Variants in OR2M3 observed in about 807,000 individuals in gnomAD.
OR2M3 encodes the protein olfactory receptor family 2 subfamily M member 3.
A neutral mutation model predicts 4.3 loss-of-function variants in OR2M3; 1 was observed. That is an observed-to-expected ratio of 0.23 (90% CI 0.08 to 1.11). The LOEUF (loss-of-function observed/expected upper bound fraction) is 1.11. Among genes scored for constraint, OR2M3 ranks in the 50% most tolerant of loss-of-function variants. The probability of loss-of-function intolerance (pLI) is 0.54; values close to 1 mark genes in which losing one functional copy is unlikely to be tolerated. For synonymous variants in OR2M3, 151 were observed against 139.4 expected (o/e 1.08, Z -0.59); for missense variants, 410 against 390.4 (o/e 1.05, Z -0.42).
rs1666231292 is a variant in OR2M3 at position 248,207,086 on chromosome 1, T to C, written c.*3080T>C. The C allele has an allele frequency of 6.6e-6, 1 of 152,052 alleles. No individual in the cohort carries two copies. The highest frequency in any genetic ancestry group is 1.5e-5 in the Non-Finnish European group (1 of 67,982). The allele number at this position is 152,052 out of a possible 1,614,324, so 9.4% of individuals were successfully genotyped here. Reference sequence around the variant, plus strand: ...GGTTATCTCTTCCAGGTTTTTTAGTTTATCTGCACAAAGGTGTTCATAGTA... The same window carrying C: ...GGTTATCTCTTCCAGGTTTTTTAGTCTATCTGCACAAAGGTGTTCATAGTA... On this transcript the variant is annotated 3_prime_UTR_variant, in exon 2 of 2. Transcript: ENST00000641626.
intron 1 of OR2M3, among the ~76,000 whole-genome samples, chr1:248,201,365 T>A (rs1243583843): frequency 6.6e-6 from 1 of 152,100 alleles, no homozygotes; most frequent in African/African-American, 2.4e-5. Flanking sequence ...ACTACTCTAT[T>A]CAAAGTTGAA....
rs1206812733 is a variant in OR2M3, at chr1:248,206,553, A to G, written c.*2547A>G. 2 of 152,014 alleles carry G rather than the reference A, an allele frequency of 1.3e-5. No individual in the cohort carries two copies. The highest frequency in any genetic ancestry group is 4.8e-5 in the African/African-American group (2 of 41,386). 9.4% of individuals were successfully genotyped at this position (152,014 alleles called of 1,614,324 possible). The stretch of plus-strand genomic sequence containing the variant: ...TTCATCAAATGCTTTTTCTCTGTCT[A>G]TTGAGATGATCATGTGATTTTTGTT... On this transcript the variant is annotated 3_prime_UTR_variant, in exon 2 of 2. Coordinates refer to ENST00000641626, the MANE Select transcript of OR2M3 (RefSeq NM_001004689.2).
chr1:248,199,757 T>G (rs889814291), intron 1 of OR2M3, among the ~76,000 whole-genome samples: 4 of 152,134 alleles, frequency 2.6e-5, no homozygotes, highest in African/African-American at 7.2e-5. Flanking sequence ...TAAATTTTTA[T>G]AAATTTATGA....
In OR2M3 at chr1:248,204,116, T is replaced by A; in HGVS notation, c.*110T>A. On this transcript the variant is annotated 3_prime_UTR_variant, in exon 2 of 2. Coordinates refer to ENST00000641626, the MANE Select transcript of OR2M3 (RefSeq NM_001004689.2). ...ATTCATTGTGTACATAAATCTGCAA[T>A]GACATATTTATGTGCACCTATATAA... is the stretch of plus-strand genomic sequence containing the variant. 1 of 940,846 alleles carries A rather than the reference T, an allele frequency of 1.1e-6. No individual in the cohort carries two copies. Among genetic ancestry groups the A allele is most frequent in the Non-Finnish European group, 1.6e-6 (1 of 611,268 alleles). 58.3% of individuals were successfully genotyped at this position (940,846 alleles called of 1,614,324 possible).
intron 1 of OR2M3, among the ~76,000 whole-genome samples, chr1:248,202,170 T>C (rs945397899): frequency 3.9e-5 from 6 of 152,158 alleles, no homozygotes; most frequent in Non-Finnish European, 8.8e-5. Flanking sequence ...TCTAAGCAGA[T>C]GAATCTGTCC....
At position 248,205,309 on chromosome 1, in the gene OR2M3, ATTTATC is replaced by A; in HGVS notation, c.*1307_*1312del. 2 of 151,912 alleles carry A rather than the reference ATTTATC, an allele frequency of 1.3e-5. No homozygotes were observed. The highest frequency in any genetic ancestry group is 6.8e-3 in the Middle Eastern group (2 of 294). 9.4% of individuals were successfully genotyped at this position (151,912 alleles called of 1,614,324 possible). A position where few individuals can be genotyped will look rare whatever the true frequency, so the allele number is the denominator to read the frequency against. On this transcript the variant is annotated 3_prime_UTR_variant, in exon 2 of 2. Coordinates refer to ENST00000641626, the MANE Select transcript of OR2M3 (RefSeq NM_001004689.2). ...TCTTTAGTTTAATTAGTTCCCAGCTATTTATCTTTGTTTTTATTGCATTAGTTTTTG... is the reference window on the plus strand; with the variant it reads ...TCTTTAGTTTAATTAGTTCCCAGCTATTTGTTTTTATTGCATTAGTTTTTG...
chr1:248,197,434 TTATTC>T (rs1174232685), intron 1 of OR2M3, 133 bp downstream of exon 1: 1 of 152,162 alleles, frequency 6.6e-6, no homozygotes, highest in Non-Finnish European at 1.5e-5. Context: ...TTTATAAACA[TTATTC>T]TATTTTATCT....
intron 1 of OR2M3, 105 bp downstream of exon 1, chr1:248,197,406 A>AT (rs1360480994): frequency 2.0e-5 from 3 of 152,118 alleles, no homozygotes; most frequent in Non-Finnish European, 4.4e-5. Context: ...TTCTTAAGTC[A>AT]TTTTTTGTGC....
intron 1 of OR2M3, among the ~76,000 whole-genome samples, chr1:248,199,778 C>T (rs1482853696): frequency 2.6e-5 from 4 of 151,916 alleles, no homozygotes; most frequent in Non-Finnish European, 4.4e-5. Flanking sequence ...TATACCTTGC[C>T]ATATTCTCCG....
chr1:248,205,560 C>G lies in OR2M3; in HGVS notation c.*1554C>G, dbSNP rs992302948. ...TTGTTGAATATGGTGTTCTTTCCCC[C>G]ACTTCATGTTTTTGTTTGTGTTGTT... On this transcript the variant is annotated 3_prime_UTR_variant, in exon 2 of 2. Transcript: ENST00000641626. The G allele has an allele frequency of 6.6e-5, 10 of 152,074 alleles. No individual in the cohort carries two copies. The highest frequency in any genetic ancestry group is 1.0e-4 in the Non-Finnish European group (7 of 67,928). The allele number at this position is 152,074 out of a possible 1,614,324, so 9.4% of individuals were successfully genotyped here.
In OR2M3 at chr1:248,206,374, T is replaced by G. The variant is rs1666224119; in HGVS notation, c.*2368T>G. ...GGTGAAAGTGGACATCCTTGTCTTG[T>G]TCCAGTTCTCAGGGGGAATGCTTTC... On this transcript the variant is annotated 3_prime_UTR_variant, in exon 2 of 2. Coordinates refer to ENST00000641626, the MANE Select transcript of OR2M3 (RefSeq NM_001004689.2). 1.3e-5 allele frequency: 2 copies of G among 152,130 alleles called. No individual in the cohort carries two copies. Among genetic ancestry groups the G allele is most frequent in the South Asian group, 4.1e-4 (2 of 4,832 alleles). 9.4% of individuals were successfully genotyped at this position (152,130 alleles called of 1,614,324 possible).
chr1:248,203,463 C>T lies in OR2M3; in HGVS notation c.396C>T (p.Tyr132=), dbSNP rs61736249. The change falls in exon 2 of 2, where the codon TAC becomes TAT. Residue 132 remains tyrosine (Y), a synonymous_variant. Transcript: ENST00000641626. The part of the protein sequence containing the change: ...RYTAICHPLR[Y]TNLMSPKICG... ...CTGCCATTTGCCACCCTCTAAGATA[C>T]ACCAATCTCATGAGCCCTAAAATTT... 2.2e-4 allele frequency: 362 copies of T among 1,613,886 alleles called. 3 individuals carry two copies. In the African/African-American group the frequency reaches 4.0e-3, roughly 18 times the overall value.
intron 1 of OR2M3, among the ~76,000 whole-genome samples, chr1:248,199,917 TA>T (rs1349827892): frequency 6.6e-6 from 1 of 152,152 alleles, no homozygotes; most frequent in Non-Finnish European, 1.5e-5. Context: ...TTCAGAGGGA[TA>T]TGTAGATTTA....
chr1:248,207,211 A>AAT lies in OR2M3; in HGVS notation c.*3206_*3207dup, dbSNP rs1222804442. 1 of 151,788 alleles carries AAT rather than the reference A, an allele frequency of 6.6e-6. No homozygotes were observed. The highest frequency in any genetic ancestry group is 2.4e-5 in the African/African-American group (1 of 41,354). 9.4% of individuals were successfully genotyped at this position (151,788 alleles called of 1,614,324 possible). On this transcript the variant is annotated 3_prime_UTR_variant, in exon 2 of 2. Transcript: ENST00000641626. ...GCATCTTCTCTATTCTTTTTTGGTT[A>AAT]ATCTTGCTAATGGTCTATCAACTTT...
In OR2M3 at chr1:248,208,063, C is replaced by T. The variant is rs1022355202; in HGVS notation, c.*4057C>T. 6.6e-6 allele frequency: 1 copy of T among 151,864 alleles called. No homozygotes were observed. The highest frequency in any genetic ancestry group is 2.4e-5 in the African/African-American group (1 of 41,346). The allele number at this position is 151,864 out of a possible 1,614,324, so 9.4% of individuals were successfully genotyped here. On this transcript the variant is annotated 3_prime_UTR_variant, in exon 2 of 2. Coordinates refer to ENST00000641626, the MANE Select transcript of OR2M3 (RefSeq NM_001004689.2). ...TAGCCCTTTTATCATTACAAAATGT[C>T]CCTCTTTGTCTTTTTTTAACTGCTC...
chr1:248,197,551 T>A (rs1666110096), intron 1 of OR2M3, among the ~76,000 whole-genome samples: 1 of 152,196 alleles, frequency 6.6e-6, no homozygotes. Flanking sequence ...CCATTACTTT[T>A]GTTTTTCCAT....
rs1666232685 is a variant in OR2M3 at position 248,207,193 on chromosome 1, C to A, written c.*3187C>A. On this transcript the variant is annotated 3_prime_UTR_variant, in exon 2 of 2. Coordinates refer to ENST00000641626, the MANE Select transcript of OR2M3 (RefSeq NM_001004689.2). ...TTCTAATTGTGTTTATTTGCATCTT[C>A]TCTATTCTTTTTTGGTTAATCTTGC... 6.6e-6 allele frequency: 1 copy of A among 151,984 alleles called. No individual in the cohort carries two copies. The highest frequency in any genetic ancestry group is 1.5e-5 in the Non-Finnish European group (1 of 67,940). The allele number at this position is 151,984 out of a possible 1,614,324, so 9.4% of individuals were successfully genotyped here. A position where few individuals can be genotyped will look rare whatever the true frequency, so the allele number is the denominator to read the frequency against.
chr1:248,202,314 C>T (rs12022706), intron 1 of OR2M3, among the ~76,000 whole-genome samples: 77,340 of 151,854 alleles, frequency 0.51, 21,154 homozygotes, highest in Non-Finnish European at 0.62. Context: ...TGGCCACCCT[C>T]TTATCAGAAC....
At chr1:248,201,482 A>G (rs943055658) in intron 1 of OR2M3, among the ~76,000 whole-genome samples, 3 of 152,002 alleles carry the variant, frequency 2.0e-5, no homozygotes, top group Non-Finnish European at 4.4e-5. Flanking sequence ...TTTAGGGTAC[A>G]TGTGCACAAT....
Sources: gnomAD v4.1 joint callset for allele counts (sites outside exome capture counted in the v4.1 genomes callset) on GRCh38, gnomAD v4.1.1 for gene constraint, MANE v1.5 for transcripts, NCBI Gene and HGNC (gene_info 2026-07-23, HGNC 2026-07-21) for gene names.